Variants in HIVEP3 observed in about 807,000 individuals in gnomAD.
HIVEP3 encodes HIVEP zinc finger 3, also known as transcription factor HIVEP3.
Under a neutral mutation model 152.8 loss-of-function variants are expected in HIVEP3, and 49 were observed. The observed-to-expected ratio is 0.32, with a 90% CI of 0.26 to 0.41. The LOEUF (loss-of-function observed/expected upper bound fraction) is 0.41, where lower values mean the gene tolerates loss of function less well. Ranked by LOEUF, HIVEP3 falls within the 10% of genes least tolerant of loss-of-function variation. HIVEP3 has a pLI of 1.00. For missense variants in HIVEP3, 2,790 were observed against 3,103.3 expected (o/e 0.90, Z 2.40); for synonymous variants, 1,269 against 1,289.0 (o/e 0.98, Z 0.33).
chr1:42,001,194 C>T (rs746946247), intron 1 of HIVEP3, among the ~76,000 whole-genome samples: 4 of 152,168 alleles, frequency 2.6e-5, no homozygotes, highest in Admixed American at 1.3e-4. Context: ...AAAAGGGACA[C>T]ACTGAAAAAG....
intron 1 of HIVEP3, among the ~76,000 whole-genome samples, chr1:41,760,027 G>C (rs1647564575): frequency 6.6e-6 from 1 of 152,158 alleles, no homozygotes; most frequent in Non-Finnish European, 1.5e-5. Context: ...GGGTGAATAA[G>C]CTGGGCATAG....
At chr1:41,906,514 T>G (rs1414865988) in intron 1 of HIVEP3, among the ~76,000 whole-genome samples, 1 of 152,044 alleles carries the variant, frequency 6.6e-6, no homozygotes, top group Non-Finnish European at 1.5e-5. Context: ...AAAACAGAGT[T>G]TTGCAAGGGG....
chr1:41,724,652 C>T (rs1186699979), intron 1 of HIVEP3, among the ~76,000 whole-genome samples: 2 of 152,186 alleles, frequency 1.3e-5, no homozygotes, highest in Admixed American at 1.3e-4. Context: ...AGCTCCACGT[C>T]AGTGAGACGT....
chr1:41,731,535 G>T (rs1362753420), intron 1 of HIVEP3, among the ~76,000 whole-genome samples: 13 of 152,200 alleles, frequency 8.5e-5, no homozygotes, highest in Non-Finnish European at 1.9e-4. Context: ...GGAATGACAG[G>T]CATGACTTCC....
intron 5 of HIVEP3, among the ~76,000 whole-genome samples, chr1:41,545,586 A>C: frequency 7.1e-6 from 1 of 140,480 alleles, no homozygotes; most frequent in Non-Finnish European, 1.6e-5. Flanking sequence ...CACCACCATC[A>C]CCATCACCAC....
At chr1:41,618,881 T>G (rs1418831690) in intron 3 of HIVEP3, among the ~76,000 whole-genome samples, 1 of 152,220 alleles carries the variant, frequency 6.6e-6, no homozygotes, top group Non-Finnish European at 1.5e-5. Context: ...CAAATCATGT[T>G]GGCTTGACCT....
intron 1 of HIVEP3, among the ~76,000 whole-genome samples, chr1:41,755,840 T>C (rs973802161): frequency 6.6e-6 from 1 of 152,182 alleles, no homozygotes; most frequent in Non-Finnish European, 1.5e-5. Flanking sequence ...CTGGAAAGAA[T>C]GCGGAGAAAT....
At chr1:41,631,388 T>C (rs1490359668) in intron 2 of HIVEP3, among the ~76,000 whole-genome samples, 1 of 152,162 alleles carries the variant, frequency 6.6e-6, no homozygotes, top group Non-Finnish European at 1.5e-5. Context: ...GTTGGAACAA[T>C]GCCTGGCACG....
intron 1 of HIVEP3, among the ~76,000 whole-genome samples, chr1:41,981,224 A>G (rs1379469805): frequency 6.6e-6 from 1 of 152,232 alleles, no homozygotes; most frequent in Non-Finnish European, 1.5e-5. Context: ...AAGCTCTTAC[A>G]GGGAGCTTGG....
intron 1 of HIVEP3, among the ~76,000 whole-genome samples, chr1:41,870,830 T>G (rs921718902): frequency 2.6e-5 from 4 of 152,202 alleles, no homozygotes; most frequent in Admixed American, 2.6e-4. Context: ...AGTCAGGCTA[T>G]CTGGGTTAGG....
chr1:41,884,269 C>T (rs1184216836), intron 1 of HIVEP3, among the ~76,000 whole-genome samples: 1 of 152,142 alleles, frequency 6.6e-6, no homozygotes, highest in African/African-American at 2.4e-5. Context: ...TCATGAGCCC[C>T]CTCCAGTAAT....
At chr1:41,768,008 T>C (rs1197404294) in intron 1 of HIVEP3, among the ~76,000 whole-genome samples, 1 of 152,246 alleles carries the variant, frequency 6.6e-6, no homozygotes, top group Non-Finnish European at 1.5e-5. Context: ...ACATCATTCA[T>C]TGTCATTTAC....
intron 1 of HIVEP3, among the ~76,000 whole-genome samples, chr1:41,821,836 A>G (rs752706677): frequency 6.6e-6 from 1 of 152,202 alleles, no homozygotes; most frequent in Non-Finnish European, 1.5e-5. Flanking sequence ...CCTAGTCTTC[A>G]GGGTCTCACT....
chr1:42,016,168 C>G (rs569258336), intron 1 of HIVEP3, among the ~76,000 whole-genome samples: 1 of 152,140 alleles, frequency 6.6e-6, no homozygotes, highest in Non-Finnish European at 1.5e-5. Flanking sequence ...TGTGAGCAAA[C>G]GTACAGAAAA....
At chr1:41,627,488 C>G (rs943502035) in intron 3 of HIVEP3, among the ~76,000 whole-genome samples, 1 of 152,152 alleles carries the variant, frequency 6.6e-6, no homozygotes, top group Admixed American at 6.5e-5. Flanking sequence ...TCCTTTACCT[C>G]CTCAGGAGAA....
intron 3 of HIVEP3, among the ~76,000 whole-genome samples, chr1:41,608,740 A>G (rs1223283940): frequency 3.3e-5 from 5 of 152,156 alleles, no homozygotes; most frequent in Non-Finnish European, 5.9e-5. Context: ...ATGACTTCCT[A>G]TCTTGTTTTC....
intron 1 of HIVEP3, among the ~76,000 whole-genome samples, chr1:41,929,446 A>G (rs1179326388): frequency 6.6e-6 from 1 of 151,932 alleles, no homozygotes; most frequent in African/African-American, 2.4e-5. Context: ...TAGCACCAGA[A>G]GATGCTCCAG....
intron 2 of HIVEP3, among the ~76,000 whole-genome samples, chr1:41,630,369 T>A (rs1002559547): frequency 6.6e-6 from 1 of 152,204 alleles, no homozygotes; most frequent in Admixed American, 6.5e-5. Context: ...ACTCCAAACC[T>A]CAGCATCACA....
At chr1:41,998,167 TAA>T (rs1645406055) in intron 1 of HIVEP3, among the ~76,000 whole-genome samples, 1 of 152,064 alleles carries the variant, frequency 6.6e-6, no homozygotes, top group African/African-American at 2.4e-5. Flanking sequence ...GGGATAAATA[TAA>T]GATTAATTTT....
Sources: gnomAD v4.1 joint callset for allele counts (sites outside exome capture counted in the v4.1 genomes callset) on GRCh38, gnomAD v4.1.1 for gene constraint, MANE v1.5 for transcripts, NCBI Gene and HGNC (gene_info 2026-07-23, HGNC 2026-07-21) for gene names.